ZNF451: variants seen among roughly 807,000 people sequenced by gnomAD.
The protein encoded by ZNF451 is zinc finger protein 451.
ZNF451 carries 80 observed loss-of-function variants against 107.1 expected under a neutral mutation model. That is an observed-to-expected ratio of 0.75 (90% CI 0.62 to 0.90). The LOEUF (loss-of-function observed/expected upper bound fraction) is 0.90, where lower values mean the gene tolerates loss of function less well. ZNF451 is among the 40% of genes least tolerant of loss of function. The probability of loss-of-function intolerance (pLI) is 0.00; values close to 1 mark genes in which losing one functional copy is unlikely to be tolerated. For missense variants in ZNF451, 1,107 were observed against 1,236.2 expected (o/e 0.90, Z 1.57); for synonymous variants, 362 against 406.5 (o/e 0.89, Z 1.32).
intron 3 of ZNF451, chr6:57,105,139 A>T (rs1226136547): frequency 1.0e-6 from 1 of 985,292 alleles, no homozygotes; most frequent in Non-Finnish European, 1.2e-6. Flanking sequence ...TATGCCTGCC[A>T]TGTTCAGAAC....
At chr6:57,139,920 G>C (rs1240266259) in intron 7 of ZNF451, among the ~76,000 whole-genome samples, 1 of 152,120 alleles carries the variant, frequency 6.6e-6, no homozygotes, top group Non-Finnish European at 1.5e-5. Flanking sequence ...GTGTATGCCT[G>C]TGGTCCCAGC....
chr6:57,134,590 A>G (rs527451155), intron 6 of ZNF451, among the ~76,000 whole-genome samples, 154 bp from the exon 7 acceptor site: 1 of 152,332 alleles, frequency 6.6e-6, no homozygotes, highest in East Asian at 1.9e-4. Context: ...CTTGATATTT[A>G]CTGTATATGA....
chr6:57,158,391 G>A (rs1763528503), intron 13 of ZNF451: 2 of 429,010 alleles, frequency 4.7e-6, no homozygotes, highest in Non-Finnish European at 3.1e-6. Flanking sequence ...AAATGATTTG[G>A]TTGTGAGTTC....
intron 3 of ZNF451, among the ~76,000 whole-genome samples, chr6:57,111,539 C>T (rs976290670): frequency 6.6e-6 from 1 of 152,054 alleles, no homozygotes; most frequent in African/African-American, 2.4e-5. Flanking sequence ...TGCCACCATG[C>T]TCAACTAATT....
chr6:57,136,838 A>G (rs575879195), intron 7 of ZNF451, among the ~76,000 whole-genome samples: 1 of 152,134 alleles, frequency 6.6e-6, no homozygotes, highest in African/African-American at 2.4e-5. Flanking sequence ...TCGGAATCAC[A>G]CATTCCATGC....
rs397973821 is a variant in ZNF451, at chr6:57,138,792, A to ATT, written c.703-2495_703-2494dup. Among the ~76,000 whole-genome samples the ATT allele has an allele frequency of 7.5e-4, 58 of 77,620 alleles. 1 individual carries two copies. The highest frequency in any genetic ancestry group is 1.4e-3 in the South Asian group (3 of 2,104). 50.9% of individuals were successfully genotyped at this position (77,620 alleles called of 152,430 possible). On this transcript the variant is annotated intron_variant, in intron 7 of 14. Transcript: ENST00000370706. ...GTGTGTGTGTATATATATATATAAA[A>ATT]TTTTTTTTTTTTTTTTGAGAGAGAG...
At chr6:57,104,326 A>G in intron 3 of ZNF451, 8 of 985,410 alleles carry the variant, frequency 8.1e-6, no homozygotes, top group Non-Finnish European at 9.6e-6. Flanking sequence ...TTGCCACTGG[A>G]GAACTCAGTG....
At chr6:57,163,436 CTTTTTTTTTTTTTTTTTTTTT>C (rs398001706) in intron 14 of ZNF451, among the ~76,000 whole-genome samples, 5 of 30,340 alleles carry the variant, frequency 1.6e-4, no homozygotes, top group Admixed American at 5.5e-4. Flanking sequence ...AATGAATAAA[CTTTTTTTTTTTTTTTTTTTTT>C]TTTTTTTTTT....
chr6:57,150,565 C>T (rs562667732), intron 10 of ZNF451, 154 bp from the exon 11 acceptor site: 3 of 653,424 alleles, frequency 4.6e-6, no homozygotes, highest in Admixed American at 6.7e-5. Flanking sequence ...GTGTCATGTA[C>T]AGATTTGGAT....
intron 2 of ZNF451, among the ~76,000 whole-genome samples, chr6:57,094,401 T>G (rs1418048702): frequency 1.3e-5 from 2 of 152,112 alleles, no homozygotes; most frequent in African/African-American, 4.8e-5. Flanking sequence ...TTTAAACTTG[T>G]GGGTTCAAGC....
At chr6:57,112,201 G>A (rs558132779) in intron 3 of ZNF451, among the ~76,000 whole-genome samples, 99 of 152,290 alleles carry the variant, frequency 6.5e-4, no homozygotes, top group African/African-American at 2.3e-3. Context: ...AGAACTTTGG[G>A]GGGTGGTGCA....
intron 7 of ZNF451, among the ~76,000 whole-genome samples, chr6:57,137,833 A>G (rs917218340): frequency 5.3e-5 from 8 of 152,208 alleles, no homozygotes; most frequent in Admixed American, 3.3e-4. Flanking sequence ...GATATTTTAT[A>G]TAAAAGGAAT....
At chr6:57,105,694 T>A in intron 3 of ZNF451, 8 of 985,424 alleles carry the variant, frequency 8.1e-6, no homozygotes, top group Non-Finnish European at 9.6e-6. Context: ...TCTATAGATA[T>A]GCTCTAGGTT....
At position 57,124,833 on chromosome 6, in the gene ZNF451, AAAG is replaced by A; in HGVS notation, c.291_293del (p.Glu98del). 1 of 1,610,950 alleles carries A rather than the reference AAAG, an allele frequency of 6.2e-7. No individual in the cohort carries two copies. The highest frequency in any genetic ancestry group is 8.5e-7 in the Non-Finnish European group (1 of 1,177,932). On this transcript the variant is annotated inframe_deletion, in exon 4 of 15. Coordinates refer to ENST00000370706, the MANE Select transcript of ZNF451 (RefSeq NM_001031623.3). ...CCATGTTGAAGTGGAGAAACAGCAGAAAGAAGAGAAGAATAGAGCATTCAGAGT... is the reference window on the plus strand; with the variant it reads ...CCATGTTGAAGTGGAGAAACAGCAGAAAGAGAAGAATAGAGCATTCAGAGT...
chr6:57,101,880 T>C, intron 3 of ZNF451: 1 of 1,550,594 alleles, frequency 6.4e-7, no homozygotes, highest in Non-Finnish European at 8.7e-7. Context: ...TTGGACAAGA[T>C]GTGAAAGCTG....
chr6:57,095,083 T>A (rs1829223798), intron 2 of ZNF451, among the ~76,000 whole-genome samples: 1 of 152,216 alleles, frequency 6.6e-6, no homozygotes, highest in Admixed American at 6.5e-5. Context: ...CTCATTATCA[T>A]GGAAGTTTTT....
intron 3 of ZNF451, chr6:57,103,704 C>T: frequency 7.1e-6 from 7 of 985,238 alleles, no homozygotes; most frequent in Non-Finnish European, 7.2e-6. Context: ...TCTGCTTGAT[C>T]AAGGCATTTT....
chr6:57,106,580 A>G (rs1029386898), intron 3 of ZNF451: 6 of 977,040 alleles, frequency 6.1e-6, no homozygotes, highest in Non-Finnish European at 7.3e-6. Flanking sequence ...TGCTGGGATT[A>G]TAGGCGTGAG....
chr6:57,131,266 T>G (rs936359848), intron 5 of ZNF451, among the ~76,000 whole-genome samples: 1 of 152,304 alleles, frequency 6.6e-6, no homozygotes, highest in South Asian at 2.1e-4. Flanking sequence ...TTTGAATACT[T>G]AGTATTATAA....
Sources: gnomAD v4.1 joint callset for allele counts (sites outside exome capture counted in the v4.1 genomes callset) on GRCh38, gnomAD v4.1.1 for gene constraint, MANE v1.5 for transcripts, NCBI Gene and HGNC (gene_info 2026-07-23, HGNC 2026-07-21) for gene names.